SAMHD1: variants seen among roughly 807,000 people sequenced by gnomAD.
The protein encoded by SAMHD1 is deoxynucleoside triphosphate triphosphohydrolase SAMHD1.
Under a neutral mutation model 79.6 loss-of-function variants are expected in SAMHD1, and 54 were observed. The ratio of observed to expected loss-of-function variants is 0.68; its 90% CI spans 0.55 to 0.85. The LOEUF is 0.85. Ranked by LOEUF, SAMHD1 falls within the 40% of genes least tolerant of loss-of-function variation. The pLI, the probability that SAMHD1 is intolerant of heterozygous loss-of-function variation, is 0.00. For synonymous variants in SAMHD1, 260 were observed against 264.1 expected (o/e 0.98, Z 0.15); for missense variants, 663 against 782.7 (o/e 0.85, Z 1.82).
chr20:36,951,580 G>T lies in SAMHD1; in HGVS notation c.64C>A (p.Pro22Thr), dbSNP rs772335453. The T allele has an allele frequency of 1.9e-6, 3 of 1,614,184 alleles. No homozygotes were observed. Residue 22 changes from proline to threonine, a missense_variant, in exon 1 of 16, where the codon CCC becomes ACC. Pro to Thr is a conservative substitution (Grantham distance 38, BLOSUM62 -1). Coordinates refer to ENST00000646673, the MANE Select transcript of SAMHD1 (RefSeq NM_015474.4). The stretch of plus-strand genomic sequence containing the variant: ...GCCTCTGCGGAAGGGGTGTTTGAGG[G>T]GGTTCTCGGGCTGTCATCGCAACGG... ...RPRCDDSPRT[P>T]SNTPSAEADW...
intron 11 of SAMHD1, among the ~76,000 whole-genome samples, chr20:36,905,985 A>G (rs1327716151): frequency 6.6e-6 from 1 of 152,120 alleles, no homozygotes; most frequent in Non-Finnish European, 1.5e-5. Context: ...AAAAAAAAAA[A>G]AAGTTCCTGT....
At chr20:36,899,474 G>A (rs2148356720) in intron 13 of SAMHD1, among the ~76,000 whole-genome samples, 1 of 152,130 alleles carries the variant, frequency 6.6e-6, no homozygotes, top group African/African-American at 2.4e-5. Flanking sequence ...AAACCAGGCA[G>A]CCCTAGATTG....
At chr20:36,897,094 A>G (rs1258105605) in intron 15 of SAMHD1, among the ~76,000 whole-genome samples, 1 of 152,216 alleles carries the variant, frequency 6.6e-6, no homozygotes, top group Non-Finnish European at 1.5e-5. Flanking sequence ...TACCTGGATC[A>G]TGCCTTGTGG....
At chr20:36,947,551 G>GGTGTCTGT (rs2063701218) in intron 1 of SAMHD1, among the ~76,000 whole-genome samples, 1 of 75,742 alleles carries the variant, frequency 1.3e-5, no homozygotes, top group Non-Finnish European at 2.4e-5. Flanking sequence ...TTGGAAGAGG[G>GGTGTCTGT]GTGTGTGTGT....
intron 12 of SAMHD1, chr20:36,905,131 C>T: frequency 1.9e-6 from 1 of 525,950 alleles, no homozygotes; most frequent in Non-Finnish European, 3.4e-6. Context: ...TAAGTTAGAC[C>T]TGGCTTTTGA....
intron 1 of SAMHD1, 44 bp downstream of exon 1, chr20:36,951,371 TCAGGGCGCCTGGCCCGCGCCC>T: frequency 6.2e-7 from 1 of 1,602,598 alleles, no homozygotes; most frequent in Non-Finnish European, 8.5e-7. Flanking sequence ...GCCCCCTCCC[TCAGGGCGCCTGGCCCGCGCCC>T]CAGGTCGCCG....
chr20:36,893,021 A>G lies in SAMHD1; in HGVS notation c.1792T>C (p.Trp598Arg). The G allele has an allele frequency of 1.2e-6, 2 of 1,614,040 alleles. No individual in the cohort carries two copies. The highest frequency in any genetic ancestry group is 1.7e-6 in the Non-Finnish European group (2 of 1,180,022). The stretch of plus-strand genomic sequence containing the variant: ...TTTTGGACTGAAGTACTGTCGTTCC[A>G]TTCCTTTTTTTGAGGTGTTATGAGT... ...APLITPQKKE[W>R]NDSTSVQNPT... Residue 598 changes from tryptophan (W) to arginine (R), a missense_variant, in exon 16 of 16, where the codon TGG becomes CGG. Transcript: ENST00000646673.
In SAMHD1 at chr20:36,932,728, G is replaced by A. The variant is rs180799932; in HGVS notation, c.510-1853C>T. Among the ~76,000 whole-genome samples, 581 of 151,982 alleles carry A rather than the reference G, an allele frequency of 3.8e-3. 2 individuals are homozygous for A. Among genetic ancestry groups the A allele is most frequent in the Middle Eastern group, 0.014 (4 of 294 alleles). The stretch of plus-strand genomic sequence containing the variant: ...CACTGCACCCGGCAAGTTTGGTTTT[G>A]TAAGATGATAAGAGTTTTGGCAAGT... On this transcript the variant is annotated intron_variant, in intron 4 of 15. Coordinates refer to ENST00000646673, the MANE Select transcript of SAMHD1 (RefSeq NM_015474.4).
At chr20:36,946,427 C>A (rs80186429) in intron 2 of SAMHD1, 14,409 of 237,552 alleles carry the variant, frequency 0.061, 561 homozygotes, top group Middle Eastern at 0.093. Context: ...AAAAAAAAAA[C>A]CGAAAAAAAA....
Position 36,898,483 on chromosome 20 carries a change from C to A in SAMHD1, c.1565G>T (p.Cys522Phe). The stretch of plus-strand genomic sequence containing the variant: ...GATTGCTCTGTTGGGGGCAGTCTTA[C>A]AATAGAAGCTAACATGATCAATTGG... Reference protein sequence around the residue: ...KNPIDHVSFYCKTAPNRAIRI... With the variant: ...KNPIDHVSFYFKTAPNRAIRI... The change falls in exon 14 of 16, where the codon TGT (cysteine) becomes TTT (phenylalanine). Residue 522 changes from cysteine to phenylalanine, a missense_variant. Physicochemically the swap from Cys to Phe is radical, Grantham distance 205. Coordinates refer to ENST00000646673, the MANE Select transcript of SAMHD1 (RefSeq NM_015474.4). 1 of 1,613,996 alleles carries A rather than the reference C, an allele frequency of 6.2e-7. No individual in the cohort carries two copies. Among genetic ancestry groups the A allele is most frequent in the Non-Finnish European group, 8.5e-7 (1 of 1,179,980 alleles).
intron 6 of SAMHD1, 192 bp downstream of exon 6, chr20:36,926,990 C>G: frequency 1.8e-6 from 1 of 550,322 alleles, no homozygotes; most frequent in Non-Finnish European, 3.2e-6. Flanking sequence ...AGGGAGATAA[C>G]GATAACTTCC....
rs2063479985 is a variant in SAMHD1, at chr20:36,916,951, G to A, written c.951C>T (p.Ala317=). ...TTTCAGAAGTGTTCAGTGCATACCT[G>A]GCAAAATAATCCCATTTGTCCACAT... The part of the protein sequence containing the change: ...GIDVDKWDYF[A]RDCHHLGIQN... The change falls in exon 8 of 16, where the codon GCC becomes GCT. Residue 317 remains alanine (A), a splice_region_variant and synonymous_variant. Transcript: ENST00000646673. The A allele has an allele frequency of 6.2e-7, 1 of 1,609,368 alleles. No homozygotes were observed. The highest frequency in any genetic ancestry group is 8.5e-7 in the Non-Finnish European group (1 of 1,175,940).
At chr20:36,914,360 T>TC (rs890498038) in intron 9 of SAMHD1, among the ~76,000 whole-genome samples, 5 of 151,920 alleles carry the variant, frequency 3.3e-5, no homozygotes, top group African/African-American at 1.2e-4. Flanking sequence ...TTTCTTTCTT[T>TC]TTTTTTTTGA....
intron 15 of SAMHD1, chr20:36,893,881 C>G: frequency 2.5e-6 from 1 of 398,602 alleles, no homozygotes. Flanking sequence ...AGCTCCCATG[C>G]CTGTTGGTTT....
At chr20:36,932,383 T>C (rs1229522714) in intron 4 of SAMHD1, among the ~76,000 whole-genome samples, 12 of 110,324 alleles carry the variant, frequency 1.1e-4, no homozygotes, top group Admixed American at 4.0e-4. Context: ...AGTAGAATGG[T>C]AGTTACTAGG....
At position 36,938,262 on chromosome 20, in the gene SAMHD1, C is replaced by T. The variant is rs868613582; in HGVS notation, c.348+2777G>A. ...TATTACCTCAAAAATATATTATTGG[C>T]TGGGCACGGTGGCTCATGCCTGTAA... On this transcript the variant is annotated intron_variant, in intron 3 of 15. Coordinates refer to ENST00000646673, the MANE Select transcript of SAMHD1 (RefSeq NM_015474.4). 3.5e-4 allele frequency among the ~76,000 whole-genome samples: 53 copies of T among 152,176 alleles called. 1 individual carries two copies. The highest frequency in any genetic ancestry group is 1.1e-3 in the African/African-American group (45 of 41,446).
chr20:36,930,977 C>A (rs776863973), intron 4 of SAMHD1, 102 bp from the exon 5 acceptor site: 3 of 784,196 alleles, frequency 3.8e-6, no homozygotes, highest in Non-Finnish European at 2.2e-6. Context: ...TTCTAACATA[C>A]CTTTAGGGCA....
At chr20:36,927,161 A>G (rs2146127682) in intron 6 of SAMHD1, 21 bp downstream of exon 6, 6 of 1,590,696 alleles carry the variant, frequency 3.8e-6, no homozygotes, top group Admixed American at 1.7e-5. Context: ...TTTATTGACT[A>G]TTGACTGTAT....
Position 36,951,471 on chromosome 20 carries a change from C to A in SAMHD1, c.173G>T (p.Gly58Val). ...EQVCSFLRRGGFEEPVLLKNI... is the reference protein window; with the variant it reads ...EQVCSFLRRGVFEEPVLLKNI... ...CTTCAGCAGCACCGGCTCTTCAAAG[C>A]CACCGCGCCTGAGGAAGGAGCACAC... Residue 58 changes from glycine (G) to valine (V), a missense_variant, in exon 1 of 16, where the codon GGC (glycine) becomes GTC (valine). Coordinates refer to ENST00000646673, the MANE Select transcript of SAMHD1 (RefSeq NM_015474.4). 6.2e-7 allele frequency: 1 copy of A among 1,614,142 alleles called. No homozygotes were observed. Among genetic ancestry groups the A allele is most frequent in the South Asian group, 1.1e-5 (1 of 91,086 alleles).
Sources: gnomAD v4.1 joint callset for allele counts (sites outside exome capture counted in the v4.1 genomes callset) on GRCh38, gnomAD v4.1.1 for gene constraint, MANE v1.5 for transcripts, NCBI Gene and HGNC (gene_info 2026-07-23, HGNC 2026-07-21) for gene names.